Variants in PCDHGB3 observed in about 807,000 individuals in gnomAD.
PCDHGB3 encodes the protein protocadherin gamma subfamily B, 3.
Under a neutral mutation model 59.2 loss-of-function variants are expected in PCDHGB3, and 40 were observed. The ratio of observed to expected loss-of-function variants is 0.68; its 90% CI spans 0.52 to 0.88. PCDHGB3 has a LOEUF of 0.88. PCDHGB3 is among the 40% of genes least tolerant of loss of function. The probability of loss-of-function intolerance (pLI) is 0.00; values close to 1 mark genes in which losing one functional copy is unlikely to be tolerated. For synonymous variants in PCDHGB3, 581 were observed against 503.6 expected (o/e 1.15, Z -2.06); for missense variants, 1,309 against 1,187.9 (o/e 1.10, Z -1.50).
chr5:141,399,008 G>GC, intron 1 of PCDHGB3: 1 of 1,613,904 alleles, frequency 6.2e-7, no homozygotes, highest in Non-Finnish European at 8.5e-7. Flanking sequence ...AATTCAAAGA[G>GC]CGGAGAAATT....
In PCDHGB3 at chr5:141,408,496, G is replaced by C. The variant is rs758752081; in HGVS notation, c.2415+35687G>C. On this transcript the variant is annotated intron_variant, in intron 1 of 3. Coordinates refer to ENST00000576222, the MANE Select transcript of PCDHGB3 (RefSeq NM_018924.5). The stretch of plus-strand genomic sequence containing the variant: ...TAGACCGTGAGCAAATATGCAAAGA[G>C]AGAAGAAGATGTGAGTTGCAATTGG... 21 of 1,613,960 alleles carry C rather than the reference G, an allele frequency of 1.3e-5. No individual in the cohort carries two copies. In the East Asian group the frequency reaches 1.3e-4, roughly 10 times the overall value.
intron 1 of PCDHGB3, chr5:141,392,318 C>T (rs1213951508): frequency 6.6e-6 from 1 of 152,062 alleles, no homozygotes; most frequent in Non-Finnish European, 1.5e-5. Context: ...TTTTTTAAGA[C>T]CAAATGTATT....
Position 141,432,811 on chromosome 5 carries a change from T to G in PCDHGB3, c.2415+60002T>G. Reference sequence around the variant, plus strand: ...GCAGCCTCGAGTCTCCAGCTAACTCTGAAACCTCAGACCTCACTCTGTACC... The same window carrying G: ...GCAGCCTCGAGTCTCCAGCTAACTCGGAAACCTCAGACCTCACTCTGTACC... On this transcript the variant is annotated intron_variant, in intron 1 of 3. Transcript: ENST00000576222. The surrounding 1 kb of genome is among the most constrained non-coding windows in gnomAD (Gnocchi z 6.0). 1 of 1,614,126 alleles carries G rather than the reference T, an allele frequency of 6.2e-7. No homozygotes were observed. Among genetic ancestry groups the G allele is most frequent in the Non-Finnish European group, 8.5e-7 (1 of 1,179,988 alleles).
At chr5:141,510,816 A>G (rs1478938067) in intron 3 of PCDHGB3, 131 bp from the exon 4 acceptor site, 2 of 1,547,282 alleles carry the variant, frequency 1.3e-6, no homozygotes, top group Non-Finnish European at 1.8e-6. Context: ...GGTGACCCCT[A>G]TATTCCCAGT....
Position 141,431,364 on chromosome 5 carries a change from G to T in PCDHGB3, c.2415+58555G>T, listed in dbSNP as rs773688069. 3 of 1,613,892 alleles carry T rather than the reference G, an allele frequency of 1.9e-6. No individual in the cohort carries two copies. The East Asian group carries it at 6.7e-5, about 36-fold the overall frequency. ...TTGGTGCTGAAACGCGCCCTGGACC[G>T]CGAAGAAAAGGCTGCTCACCACCTG... On this transcript the variant is annotated intron_variant, in intron 1 of 3. Coordinates refer to ENST00000576222, the MANE Select transcript of PCDHGB3 (RefSeq NM_018924.5). The surrounding 1 kb of genome is among the most constrained non-coding windows in gnomAD (Gnocchi z 4.8).
At position 141,371,620 on chromosome 5, in the gene PCDHGB3, C is replaced by T. The variant is rs748176272; in HGVS notation, c.1226C>T (p.Ala409Val). The T allele has an allele frequency of 1.9e-6, 3 of 1,613,992 alleles. No homozygotes were observed. Among genetic ancestry groups the T allele is most frequent in the East Asian group, 2.2e-5 (1 of 44,868 alleles). ...KNTYRLVTDG[A>V]LDREQIPEYN... ...ACATACAGGTTGGTGACAGATGGAG[C>T]CCTGGACCGGGAGCAGATCCCAGAA... The change falls in exon 1 of 4, where the codon GCC becomes GTC. Residue 409 changes from alanine to valine, a missense_variant. Coordinates refer to ENST00000576222, the MANE Select transcript of PCDHGB3 (RefSeq NM_018924.5).
chr5:141,486,832 A>G lies in PCDHGB3; in HGVS notation c.2416-7975A>G. 2.5e-6 allele frequency: 4 copies of G among 1,614,182 alleles called. No individual in the cohort carries two copies. Among genetic ancestry groups the G allele is most frequent in the South Asian group, 1.1e-5 (1 of 91,082 alleles). ...TTAGCAGCACTGTAACAGTTCGTCT[A>G]TTTGTGCTGGACCTCAATGACAATG... On this transcript the variant is annotated intron_variant, in intron 1 of 3. Transcript: ENST00000576222. The surrounding 1 kb of genome is among the most constrained non-coding windows in gnomAD (Gnocchi z 5.0).
At chr5:141,465,266 C>G (rs2099099623) in intron 1 of PCDHGB3, among the ~76,000 whole-genome samples, 1 of 152,096 alleles carries the variant, frequency 6.6e-6, no homozygotes, top group South Asian at 2.1e-4. Flanking sequence ...ATGATACTAG[C>G]CATTTAGTTC....
rs542816387 is a variant in PCDHGB3, at chr5:141,394,624, T to G, written c.2415+21815T>G. ...AGAGACTCGGGCCAGAACGCCTGGC[T>G]GTCCTACCGCCTGCTCAAGGCCAGC... On this transcript the variant is annotated intron_variant, in intron 1 of 3. Transcript: ENST00000576222. 2.5e-6 allele frequency: 4 copies of G among 1,613,110 alleles called. No individual in the cohort carries two copies. The South Asian group carries it at 3.3e-5, about 13-fold the overall frequency.
intron 1 of PCDHGB3, chr5:141,404,380 C>T (rs777340976): frequency 1.9e-6 from 3 of 1,613,916 alleles, no homozygotes; most frequent in Non-Finnish European, 2.5e-6. Context: ...CCGTGATTGC[C>T]TATGACCCTG....
At chr5:141,430,873 G>C (rs2097319709) in intron 1 of PCDHGB3, 1 of 1,598,842 alleles carries the variant, frequency 6.3e-7, no homozygotes, top group African/African-American at 1.3e-5. Flanking sequence ...TTCCGGAAGA[G>C]CTGGAGAAAG....
chr5:141,421,748 G>C, intron 1 of PCDHGB3: 1 of 1,613,944 alleles, frequency 6.2e-7, no homozygotes, highest in Non-Finnish European at 8.5e-7. Flanking sequence ...TACCAGCTCA[G>C]CCCTAATAAT....
In PCDHGB3 at chr5:141,371,702, GACC is replaced by G. The variant is rs768822916; in HGVS notation, c.1310_1312del (p.Thr437del). On this transcript the variant is annotated inframe_deletion, in exon 1 of 4. Transcript: ENST00000576222. Reference sequence around the variant, plus strand: ...GCAATCCACCGCTCTCCTCCAGCAAGACCATCACTCTGCACATCCTTGATGTCA... The same window carrying G: ...GCAATCCACCGCTCTCCTCCAGCAAGATCACTCTGCACATCCTTGATGTCA... 18 of 1,613,922 alleles carry G rather than the reference GACC, an allele frequency of 1.1e-5. No individual in the cohort carries two copies. Among genetic ancestry groups the G allele is most frequent in the Non-Finnish European group, 1.7e-6 (2 of 1,179,914 alleles).
chr5:141,371,271 A>C lies in PCDHGB3; in HGVS notation c.877A>C (p.Lys293Gln), dbSNP rs1251715871. The change falls in exon 1 of 4, where the codon AAG becomes CAG. Residue 293 changes from lysine (K) to glutamine (Q), a missense_variant. By Grantham distance (53) the Lys-to-Gln change is moderately conservative. Transcript: ENST00000576222. ...NIGKEVRQLF[K>Q]LDSKTGELTT... ...TGGCAAGGAAGTGAGACAACTGTTC[A>C]AGCTGGACAGTAAAACGGGGGAACT... The C allele has an allele frequency of 1.2e-6, 2 of 1,613,938 alleles. No individual in the cohort carries two copies. The highest frequency in any genetic ancestry group is 1.7e-6 in the Non-Finnish European group (2 of 1,179,916).
chr5:141,430,493 C>G (rs1232369484), intron 1 of PCDHGB3: 1 of 285,344 alleles, frequency 3.5e-6, no homozygotes, highest in African/African-American at 2.2e-5. Flanking sequence ...ACGAAATATC[C>G]TTTCTGGGAG....
intron 1 of PCDHGB3, among the ~76,000 whole-genome samples, chr5:141,406,188 T>C (rs1313997032): frequency 6.6e-6 from 1 of 151,612 alleles, no homozygotes; most frequent in African/African-American, 2.4e-5. Flanking sequence ...TCCTCCCACC[T>C]CAGCCTTCAC....
intron 1 of PCDHGB3, among the ~76,000 whole-genome samples, chr5:141,430,366 A>G (rs551419486): frequency 3.3e-5 from 5 of 150,370 alleles, no homozygotes; most frequent in Admixed American, 6.7e-5. Context: ...CTCATTGGGG[A>G]AAAAAAAGCT....
chr5:141,477,010 C>G lies in PCDHGB3; in HGVS notation c.2416-17797C>G. On this transcript the variant is annotated intron_variant, in intron 1 of 3. Coordinates refer to ENST00000576222, the MANE Select transcript of PCDHGB3 (RefSeq NM_018924.5). This position sits in a 1 kb window ranked among gnomAD's most constrained non-coding sequence, Gnocchi z 4.9. ...GCGTGCGGCAACTATTCGCCTTAGA[C>G]CTTGTAACCGGGATGCTGACAATCA... 4 of 1,614,260 alleles carry G rather than the reference C, an allele frequency of 2.5e-6. No homozygotes were observed. Among genetic ancestry groups the G allele is most frequent in the Non-Finnish European group, 2.5e-6 (3 of 1,180,052 alleles).
At position 141,485,227 on chromosome 5, in the gene PCDHGB3, G is replaced by C. The variant is rs2099609828; in HGVS notation, c.2416-9580G>C. 1 of 1,614,186 alleles carries C rather than the reference G, an allele frequency of 6.2e-7. No individual in the cohort carries two copies. Among genetic ancestry groups the C allele is most frequent in the Non-Finnish European group, 8.5e-7 (1 of 1,180,020 alleles). On this transcript the variant is annotated intron_variant, in intron 1 of 3. Transcript: ENST00000576222. The surrounding 1 kb of genome is among the most constrained non-coding windows in gnomAD (Gnocchi z 5.7). The stretch of plus-strand genomic sequence containing the variant: ...AAATCTGGCGGTGGGCTACCCTTTT[G>C]TTCCTCTTTTACCACCTGGGTTACG...
Sources: gnomAD v4.1 joint callset for allele counts (sites outside exome capture counted in the v4.1 genomes callset) on GRCh38, gnomAD v4.1.1 for gene constraint, Gnocchi (gnomAD v3.1) non-coding constraint, MANE v1.5 for transcripts, NCBI Gene and HGNC (gene_info 2026-07-23, HGNC 2026-07-21) for gene names.